RBPJ: variants seen among roughly 807,000 people sequenced by gnomAD.
RBPJ encodes the protein recombination signal binding protein for immunoglobulin kappa J region.
In RBPJ, 9 loss-of-function variants were observed where a neutral mutation model predicts 67.8. That is an observed-to-expected ratio of 0.13 (90% CI 0.08 to 0.23). RBPJ has a LOEUF of 0.23. RBPJ is among the 10% of genes least tolerant of loss of function. The pLI is 1.00. For missense variants in RBPJ, 305 were observed against 595.6 expected, an observed-to-expected ratio of 0.51 and a Z score of 5.08; for synonymous variants, 198 against 203.3, an observed-to-expected ratio of 0.97 and a Z score of 0.22.
upstream of RBPJ, among the ~76,000 whole-genome samples, chr4:26,160,050 C>G (rs996660518): frequency 6.6e-6 from 1 of 152,110 alleles, no homozygotes; most frequent in Non-Finnish European, 1.5e-5. Flanking sequence ...TCCTAAGTAG[C>G]TAGGACTACA....
At chr4:26,360,438 C>G (rs913330159) in intron 1 of RBPJ, among the ~76,000 whole-genome samples, 1 of 152,116 alleles carries the variant, frequency 6.6e-6, no homozygotes, top group African/African-American at 2.4e-5. Flanking sequence ...TTAGTAGTTT[C>G]TAGTGCCTAT....
At chr4:26,219,233 C>A (rs999372690) in intron 1 of RBPJ, among the ~76,000 whole-genome samples, 4 of 152,174 alleles carry the variant, frequency 2.6e-5, no homozygotes, top group Non-Finnish European at 5.9e-5. Flanking sequence ...GCTCTGCCCA[C>A]CAGCCTACCA....
intron 1 of RBPJ, among the ~76,000 whole-genome samples, chr4:26,200,975 G>A (rs1294166409): frequency 1.3e-5 from 2 of 152,104 alleles, no homozygotes; most frequent in African/African-American, 4.8e-5. Flanking sequence ...CCCCATGCCT[G>A]GCATATGGAT....
chr4:26,389,304 T>G (rs1234301103), intron 2 of RBPJ, among the ~76,000 whole-genome samples: 1 of 148,028 alleles, frequency 6.8e-6, no homozygotes. Flanking sequence ...AAGTCAGTGA[T>G]AAAGAAAAAA....
chr4:26,185,237 TC>T (rs1474448015), intron 1 of RBPJ, among the ~76,000 whole-genome samples: 1 of 152,120 alleles, frequency 6.6e-6, no homozygotes, highest in Non-Finnish European at 1.5e-5. Flanking sequence ...AAGTGGTTTT[TC>T]TTTTGCAAAG....
the RBPJ span, among the ~76,000 whole-genome samples, chr4:26,107,828 G>T: frequency 1.3e-5 from 2 of 152,282 alleles, no homozygotes; most frequent in Non-Finnish European, 2.9e-5. Flanking sequence ...AACCTATGAA[G>T]CGGAGGTTGC....
At chr4:26,127,878 G>A in the RBPJ span, among the ~76,000 whole-genome samples, 3 of 152,224 alleles carry the variant, frequency 2.0e-5, no homozygotes, top group African/African-American at 7.2e-5. Flanking sequence ...ATGCCTGAGA[G>A]GCATTTTTGG....
chr4:26,222,633 A>AATATATATATATAT (rs10673072), intron 1 of RBPJ, among the ~76,000 whole-genome samples: 39 of 135,926 alleles, frequency 2.9e-4, no homozygotes, highest in African/African-American at 9.7e-4. Flanking sequence ...TGTACTCTGA[A>AATATATATATATAT]ATATATATAT....
chr4:26,419,885 C>T (rs1379216698), intron 4 of RBPJ, among the ~76,000 whole-genome samples: 3 of 152,114 alleles, frequency 2.0e-5, no homozygotes, highest in Admixed American at 2.0e-4. Context: ...TGAGCATTTT[C>T]TCTAGTACCT....
At chr4:26,204,988 G>A (rs1232573197) in intron 1 of RBPJ, among the ~76,000 whole-genome samples, 1 of 152,152 alleles carries the variant, frequency 6.6e-6, no homozygotes, top group Non-Finnish European at 1.5e-5. Flanking sequence ...TTTCCAAAGG[G>A]ATGTGCCAAG....
At chr4:26,116,572 G>C in the RBPJ span, among the ~76,000 whole-genome samples, 1 of 152,196 alleles carries the variant, frequency 6.6e-6, no homozygotes, top group Non-Finnish European at 1.5e-5. Context: ...AGCTCCCCGG[G>C]ACATGCCATG....
chr4:26,364,662 T>C (rs890816091), intron 1 of RBPJ, among the ~76,000 whole-genome samples: 5 of 150,706 alleles, frequency 3.3e-5, no homozygotes, highest in African/African-American at 1.2e-4. Flanking sequence ...AGTCTTGCTC[T>C]GTTGCTCAGG....
At chr4:26,420,804 C>T (rs1006054955) in intron 5 of RBPJ, 79 bp downstream of exon 5, 65 of 1,210,014 alleles carry the variant, frequency 5.4e-5, no homozygotes, top group Non-Finnish European at 7.3e-5. Flanking sequence ...TAAAAATTGC[C>T]TTTTCAATAG....
rs146230126 is a variant in RBPJ at position 26,398,475 on chromosome 4, C to T, written c.60-7700C>T. Among the ~76,000 whole-genome samples the T allele has an allele frequency of 4.0e-4, 61 of 152,236 alleles. No homozygotes were observed. The East Asian group carries it at 0.011, about 27-fold the overall frequency. ...CCATATGTCTTGGCCCTCAGAACTC[C>T]GTTTTAAGGAGGATCTTGCCTCCAG... On this transcript the variant is annotated intron_variant, in intron 2 of 10. Coordinates refer to ENST00000355476, the MANE Select transcript of RBPJ (RefSeq NM_015874.6).
At chr4:26,158,478 C>T (rs1401776923), upstream of RBPJ, among the ~76,000 whole-genome samples, 1 of 152,128 alleles carries the variant, frequency 6.6e-6, no homozygotes, top group Non-Finnish European at 1.5e-5. Context: ...TTAATAAAAG[C>T]CCCCTATGAA....
intron 2 of RBPJ, among the ~76,000 whole-genome samples, chr4:26,398,530 G>T: frequency 6.6e-6 from 1 of 152,154 alleles, no homozygotes; most frequent in East Asian, 1.9e-4. Flanking sequence ...CTAAGCTATG[G>T]ATTAAATGTA....
upstream of RBPJ, among the ~76,000 whole-genome samples, chr4:26,160,119 C>T (rs1233612237): frequency 6.6e-6 from 1 of 151,986 alleles, no homozygotes; most frequent in East Asian, 1.9e-4. Flanking sequence ...GGGGTTTCAC[C>T]GTGTTAGCCA....
chr4:26,384,513 CTG>C (rs1730613761), intron 1 of RBPJ: 1 of 152,074 alleles, frequency 6.6e-6, no homozygotes, highest in African/African-American at 2.4e-5. Flanking sequence ...AGTTACTTAA[CTG>C]TTTATAATTG....
intron 1 of RBPJ, among the ~76,000 whole-genome samples, chr4:26,215,275 AAAG>A (rs1718661772): frequency 8.4e-5 from 1 of 11,924 alleles, no homozygotes. Flanking sequence ...GAGGGAGGAA[AAAG>A]AGAGAGAAAG....
Sources: allele counts gnomAD v4.1 joint callset (sites outside exome capture counted in the v4.1 genomes callset), GRCh38; gene constraint gnomAD v4.1.1; transcripts MANE v1.5; gene names NCBI Gene and HGNC (gene_info 2026-07-23, HGNC 2026-07-21).